The following NAV3 variants were observed in gnomAD, a reference collection of about 807,000 sequenced individuals.
NAV3 encodes the protein neuron navigator 3.
A neutral mutation model predicts 244.7 loss-of-function variants in NAV3; 87 were observed. The ratio of observed to expected loss-of-function variants is 0.36; its 90% CI spans 0.30 to 0.42. The LOEUF is 0.42. Ranked by LOEUF, NAV3 falls within the 20% of genes least tolerant of loss-of-function variation. NAV3 has a pLI of 1.00. For synonymous variants in NAV3, 1,126 were observed against 1,042.2 expected, an observed-to-expected ratio of 1.08 and a Z score of -1.55; for missense variants, 2,663 against 2,893.3, an observed-to-expected ratio of 0.92 and a Z score of 1.83.
intron 5 of NAV3, among the ~76,000 whole-genome samples, chr12:77,985,174 G>A (rs1035018217): frequency 1.3e-5 from 2 of 152,138 alleles, no homozygotes; most frequent in African/African-American, 4.8e-5. Context: ...ATAATTCTCC[G>A]AATGAAACAG....
chr12:77,578,895 T>C (rs749036285), intron 2 of NAV3, among the ~76,000 whole-genome samples: 25 of 140,132 alleles, frequency 1.8e-4, no homozygotes, highest in Non-Finnish European at 3.4e-4. Flanking sequence ...ACCTTTATTC[T>C]ATTCGTTAAA....
At position 78,045,479 on chromosome 12, in the gene NAV3, G is replaced by A. The variant is rs148533335; in HGVS notation, c.2024-4514G>A. ...CCCGGCTAATTTTGTATTTTTAGTA[G>A]AGATGGGGTTTCACCATGTTGGCCA... is the stretch of plus-strand genomic sequence containing the variant. On this transcript the variant is annotated intron_variant, in intron 9 of 39. Coordinates refer to ENST00000397909, the MANE Select transcript of NAV3 (RefSeq NM_001024383.2). Among the ~76,000 whole-genome samples, 82 of 152,230 alleles carry A rather than the reference G, an allele frequency of 5.4e-4. 1 individual carries two copies. The highest frequency in any genetic ancestry group is 1.9e-3 in the African/African-American group (79 of 41,536).
chr12:77,731,721 A>G (rs1037693813), intron 2 of NAV3, among the ~76,000 whole-genome samples: 2 of 152,022 alleles, frequency 1.3e-5, no homozygotes, highest in African/African-American at 4.8e-5. Context: ...CCTGATGGTG[A>G]CACAGAGTAG....
intron 2 of NAV3, among the ~76,000 whole-genome samples, chr12:77,820,000 A>G (rs1480981185): frequency 2.6e-5 from 4 of 152,206 alleles, no homozygotes; most frequent in Non-Finnish European, 5.9e-5. Flanking sequence ...GGGAATGCAT[A>G]TATGGAAATT....
At chr12:77,890,777 T>C (rs370778002) in intron 1 of NAV3, among the ~76,000 whole-genome samples, 2 of 152,320 alleles carry the variant, frequency 1.3e-5, no homozygotes, top group East Asian at 3.9e-4. Flanking sequence ...ACAATAAGTA[T>C]TCATTGAATA....
At chr12:77,742,751 T>C (rs1441151250) in intron 2 of NAV3, among the ~76,000 whole-genome samples, 1 of 152,082 alleles carries the variant, frequency 6.6e-6, no homozygotes, top group Non-Finnish European at 1.5e-5. Context: ...GTACATACTG[T>C]ACTTGTATAA....
chr12:78,145,251 A>C (rs1042009941), intron 20 of NAV3, among the ~76,000 whole-genome samples: 3 of 152,182 alleles, frequency 2.0e-5, no homozygotes, highest in Admixed American at 6.6e-5. Flanking sequence ...TTTATTATTT[A>C]GCCACTATAT....
intron 6 of NAV3, among the ~76,000 whole-genome samples, chr12:77,997,535 T>C (rs1476485758): frequency 1.3e-5 from 2 of 152,204 alleles, no homozygotes; most frequent in African/African-American, 4.8e-5. Flanking sequence ...TATTTCCTCA[T>C]ATCCTGTCCT....
intron 2 of NAV3, among the ~76,000 whole-genome samples, chr12:77,741,842 C>G (rs756299861): frequency 3.9e-5 from 6 of 151,940 alleles, no homozygotes; most frequent in Non-Finnish European, 7.4e-5. Flanking sequence ...TGTCTTAATG[C>G]TTTTTGGCAT....
intron 9 of NAV3, among the ~76,000 whole-genome samples, chr12:78,023,675 G>A (rs1877526866): frequency 6.6e-6 from 1 of 152,122 alleles, no homozygotes; most frequent in Non-Finnish European, 1.5e-5. Flanking sequence ...GATATTATTT[G>A]CAGTTAGTAA....
At chr12:77,665,176 G>A (rs895792072) in intron 2 of NAV3, among the ~76,000 whole-genome samples, 23 of 152,120 alleles carry the variant, frequency 1.5e-4, no homozygotes, top group Non-Finnish European at 3.4e-4. Context: ...CTTTTCATCT[G>A]AAAAAAGCAT....
intron 1 of NAV3, among the ~76,000 whole-genome samples, chr12:77,854,231 C>T (rs1878000257): frequency 6.6e-6 from 1 of 152,094 alleles, no homozygotes; most frequent in Admixed American, 6.6e-5. Flanking sequence ...GTTTCATCAG[C>T]AATATGGCTC....
At chr12:77,899,135 T>C (rs1884970083) in intron 1 of NAV3, among the ~76,000 whole-genome samples, 1 of 152,218 alleles carries the variant, frequency 6.6e-6, no homozygotes, top group Non-Finnish European at 1.5e-5. Flanking sequence ...GTGGTTTCTA[T>C]TCTTGAGATA....
At position 78,200,490 on chromosome 12, in the gene NAV3, C is replaced by T. The variant is rs2140029478; in HGVS notation, c.6733C>T (p.Pro2245Ser). 6.3e-7 allele frequency: 1 copy of T among 1,586,782 alleles called. No individual in the cohort carries two copies. The highest frequency in any genetic ancestry group is 8.6e-7 in the Non-Finnish European group (1 of 1,165,940). Residue 2245 changes from proline to serine, a missense_variant, in exon 38 of 40, where the codon CCT (proline) becomes TCT (serine). This residue lies in a region of NAV3 where 543 missense variants were observed against 672.4 expected (regional missense o/e 0.81). Coordinates refer to ENST00000397909, the MANE Select transcript of NAV3 (RefSeq NM_001024383.2). ...CTTATCAGGTCCCCGACTATTCCTT[C>T]CTTGCCCCATGGATGTAGAAGGTTC... ...DVTIGPRLFL[P>S]CPMDVEGSRV...
chr12:77,953,083 T>C (rs1891047936), intron 3 of NAV3, among the ~76,000 whole-genome samples: 1 of 152,140 alleles, frequency 6.6e-6, no homozygotes, highest in African/African-American at 2.4e-5. Flanking sequence ...TAAATTATAT[T>C]TATAACACTT....
At chr12:78,096,773 A>G (rs751772905) in intron 12 of NAV3, among the ~76,000 whole-genome samples, 1 of 152,138 alleles carries the variant, frequency 6.6e-6, no homozygotes, top group Non-Finnish European at 1.5e-5. Context: ...TTGGGTGGGG[A>G]TACCGCCAAA....
At chr12:78,075,799 C>A (rs1167956800) in intron 12 of NAV3, among the ~76,000 whole-genome samples, 1 of 152,148 alleles carries the variant, frequency 6.6e-6, no homozygotes, top group Non-Finnish European at 1.5e-5. Context: ...TGCCATTGAT[C>A]TATTAATTAT....
chr12:77,631,401 T>G (rs1291466649), intron 2 of NAV3, among the ~76,000 whole-genome samples: 3 of 151,972 alleles, frequency 2.0e-5, no homozygotes, highest in Non-Finnish European at 4.4e-5. Flanking sequence ...TTTATAGCGA[T>G]TAAATCAGTG....
intron 5 of NAV3, among the ~76,000 whole-genome samples, chr12:77,991,610 G>C (rs1034216491): frequency 6.6e-6 from 1 of 152,108 alleles, no homozygotes; most frequent in African/African-American, 2.4e-5. Context: ...ACACAGGTAG[G>C]GGGTATTCCC....
Sources: gnomAD v4.1 joint callset for allele counts (sites outside exome capture counted in the v4.1 genomes callset) on GRCh38, gnomAD v4.1.1 for gene constraint, gnomAD v4.1.1 regional missense constraint, MANE v1.5 for transcripts, NCBI Gene and HGNC (gene_info 2026-07-23, HGNC 2026-07-21) for gene names.